The following CRB1 variants were observed in gnomAD, a reference collection of about 807,000 sequenced individuals.
The protein encoded by CRB1 is crumbs cell polarity complex component 1.
Under a neutral mutation model 120.0 loss-of-function variants are expected in CRB1, and 83 were observed. The ratio of observed to expected loss-of-function variants is 0.69; its 90% confidence interval spans 0.58 to 0.83. CRB1 has a LOEUF of 0.83. CRB1 is among the 40% of genes least tolerant of loss of function. CRB1 has a pLI of 0.00. For synonymous variants in CRB1, 625 were observed against 612.5 expected, an observed-to-expected ratio of 1.02 and a Z score of -0.30; for missense variants, 1,699 against 1,687.6, an observed-to-expected ratio of 1.01 and a Z score of -0.12.
At chr1:197,358,233 C>A (rs1660588732) in intron 5 of CRB1, 1 of 151,978 alleles carries the variant, frequency 6.6e-6, no homozygotes, top group Non-Finnish European at 1.5e-5. Flanking sequence ...AAATTTGTTT[C>A]TAAATTATTT....
intron 2 of CRB1, 64 bp from the exon 3 acceptor site, chr1:197,344,217 T>C (rs2125328051): frequency 2.0e-6 from 3 of 1,489,694 alleles, no homozygotes; most frequent in Non-Finnish European, 2.8e-6. Context: ...CATTGTCAAA[T>C]TGCTAAATTA....
At chr1:197,226,416 T>C in the CRB1 span, among the ~76,000 whole-genome samples, 1 of 152,230 alleles carries the variant, frequency 6.6e-6, no homozygotes, top group Non-Finnish European at 1.5e-5. Flanking sequence ...GACTTTTAAA[T>C]TGTCAATTAT....
upstream of CRB1, among the ~76,000 whole-genome samples, chr1:197,264,598 G>A (rs1654589786): frequency 6.6e-6 from 1 of 150,526 alleles, no homozygotes; most frequent in African/African-American, 2.4e-5. Flanking sequence ...CAGTGAATAA[G>A]AACAGTGCAT....
chr1:197,307,002 G>T (rs1657214205), intron 1 of CRB1, among the ~76,000 whole-genome samples: 1 of 152,110 alleles, frequency 6.6e-6, no homozygotes, highest in African/African-American at 2.4e-5. Flanking sequence ...CAAATGTTAT[G>T]TCTGAAAATT....
intron 5 of CRB1, among the ~76,000 whole-genome samples, chr1:197,396,738 G>C (rs1361283281): frequency 6.6e-6 from 1 of 152,080 alleles, no homozygotes; most frequent in Non-Finnish European, 1.5e-5. Flanking sequence ...AACAAACAAA[G>C]CTAGCACAAT....
At chr1:197,444,934 C>CACAT (rs397750074) in intron 11 of CRB1, 1 of 147,798 alleles carries the variant, frequency 6.8e-6, no homozygotes, top group African/African-American at 2.5e-5. Context: ...CACACACACA[C>CACAT]CACAGAAGTA....
At position 197,435,173 on chromosome 1, in the gene CRB1, G is replaced by A. The variant is rs954823148; in HGVS notation, c.3310G>A (p.Gly1104Ser). 3 of 1,613,766 alleles carry A rather than the reference G, an allele frequency of 1.9e-6. No homozygotes were observed. The highest frequency in any genetic ancestry group is 1.7e-5 in the Admixed American group (1 of 59,938). ...GTGTCTAAGTACAATAGAAATCGGA[G>A]GCATTTATCTCTCTTACTTTGAAAA... ...QGCLSTIEIG[G>S]IYLSYFENVH... is the part of the protein sequence containing the mutation. The change falls in exon 9 of 12, where the codon GGC becomes AGC. Residue 1104 changes from glycine to serine, a missense_variant. By Grantham distance (56) the Gly-to-Ser change is moderately conservative (BLOSUM62 0). Transcript: ENST00000367400.
Position 197,442,748 on chromosome 1 carries a change from C to A in CRB1, c.4005+456C>A, listed in dbSNP as rs1024829075. ...TTCCCACTCCATTTCTGGGTATTTT[C>A]ACATTTTAAGTTGCCCTCCATCACT... On this transcript the variant is annotated intron_variant, in intron 11 of 11. Transcript: ENST00000367400. 7.2e-5 allele frequency: 20 copies of A among 276,202 alleles called. No individual in the cohort carries two copies. In the South Asian group the frequency reaches 9.2e-4, roughly 13 times the overall value. The allele number at this position is 276,202 out of a possible 1,614,324, so 17.1% of individuals were successfully genotyped here. A position where few individuals can be genotyped will look rare whatever the true frequency, so the allele number is the denominator to read the frequency against.
chr1:197,327,644 G>A (rs1164569571), intron 1 of CRB1, among the ~76,000 whole-genome samples: 1 of 152,094 alleles, frequency 6.6e-6, no homozygotes, highest in Admixed American at 6.5e-5. Flanking sequence ...CTTTATTTTA[G>A]CACTAGAAAT....
chr1:197,348,829 ATTAT>A (rs1193691650), intron 4 of CRB1, among the ~76,000 whole-genome samples: 2 of 152,234 alleles, frequency 1.3e-5, no homozygotes, highest in African/African-American at 4.8e-5. Flanking sequence ...TAAGCTAAGC[ATTAT>A]TTAAGAGCCA....
chr1:197,442,435 C>T (rs529032506), intron 11 of CRB1, 143 bp downstream of exon 11: 4 of 1,569,850 alleles, frequency 2.5e-6, no homozygotes, highest in Non-Finnish European at 3.4e-6. Flanking sequence ...TTTGAACATT[C>T]CCAAATGAAA....
intron 1 of CRB1, among the ~76,000 whole-genome samples, chr1:197,323,119 T>C (rs1379925868): frequency 1.3e-5 from 2 of 152,196 alleles, no homozygotes; most frequent in Non-Finnish European, 2.9e-5. Context: ...ATTATTTTCA[T>C]TCTTATATTG....
At chr1:197,320,099 G>A (rs922099090) in intron 1 of CRB1, among the ~76,000 whole-genome samples, 3 of 152,176 alleles carry the variant, frequency 2.0e-5, no homozygotes, top group Non-Finnish European at 4.4e-5. Context: ...GGAAATAATT[G>A]ATAGCATCCC....
At position 197,276,812 on chromosome 1, in the gene CRB1, C is replaced by G. The variant is rs138680404; in HGVS notation, c.70+8330C>G. 7.6e-4 allele frequency among the ~76,000 whole-genome samples: 116 copies of G among 151,928 alleles called. 2 individuals are homozygous for G. In the East Asian group the frequency reaches 0.022, roughly 29 times the overall value. On this transcript the variant is annotated intron_variant, in intron 1 of 11. Transcript: ENST00000367400. ...TTACAATAAGTATCTCTCATTCTTG[C>G]AATCATACTACATAGTAGCTATTAA...
chr1:197,220,371 C>T, the CRB1 span, among the ~76,000 whole-genome samples: 1 of 152,028 alleles, frequency 6.6e-6, no homozygotes, highest in Non-Finnish European at 1.5e-5. Context: ...TGTGGACCAG[C>T]AACATAAAAA....
the CRB1 span, among the ~76,000 whole-genome samples, chr1:197,236,890 C>T: frequency 1.3e-5 from 2 of 151,920 alleles, no homozygotes; most frequent in African/African-American, 4.8e-5. Flanking sequence ...TCTCTTTAAG[C>T]TTTTTTAAAA....
chr1:197,316,345 C>T (rs1332209592), intron 1 of CRB1, among the ~76,000 whole-genome samples: 4 of 152,054 alleles, frequency 2.6e-5, no homozygotes, highest in Admixed American at 1.3e-4. Context: ...CCACCGAGCC[C>T]GGCTGATTTT....
At chr1:197,473,813 T>C (rs1415089829) in intron 11 of CRB1, among the ~76,000 whole-genome samples, 1 of 150,954 alleles carries the variant, frequency 6.6e-6, no homozygotes, top group African/African-American at 2.4e-5. Context: ...AGATCCATCC[T>C]AGTGCCGTAT....
At chr1:197,236,065 T>A in the CRB1 span, among the ~76,000 whole-genome samples, 1 of 152,184 alleles carries the variant, frequency 6.6e-6, no homozygotes, top group Non-Finnish European at 1.5e-5. Flanking sequence ...TGTGTTCTTA[T>A]GGGCTCCAGT....
Sources: allele counts gnomAD v4.1 joint callset (sites outside exome capture counted in the v4.1 genomes callset), GRCh38; gene constraint gnomAD v4.1.1; transcripts MANE v1.5; gene names NCBI Gene and HGNC (gene_info 2026-07-23, HGNC 2026-07-21).